The following ZBBX variants were observed in gnomAD, a reference collection of about 807,000 sequenced individuals.
ZBBX encodes the protein zinc finger B-box domain-containing protein 1.
ZBBX carries 101 observed loss-of-function variants against 108.5 expected under a neutral mutation model. That is an observed-to-expected ratio of 0.93 (90% CI 0.79 to 1.10). The LOEUF is 1.10. Among genes scored for constraint, ZBBX ranks in the 50% least tolerant of loss-of-function variants. ZBBX has a pLI of 0.00. For synonymous variants in ZBBX, 356 were observed against 323.4 expected (o/e 1.10, Z -1.08); for missense variants, 1,009 against 941.4 (o/e 1.07, Z -0.94).
chr3:167,350,705 A>T (rs1742497368), intron 8 of ZBBX, among the ~76,000 whole-genome samples, 190 bp from the exon 9 acceptor site: 6 of 151,640 alleles, frequency 4.0e-5, no homozygotes, highest in Admixed American at 3.9e-4. Flanking sequence ...CCCAGTTAAG[A>T]CTTAACTCTT....
At chr3:167,203,379 C>T in the ZBBX span, among the ~76,000 whole-genome samples, 8 of 152,044 alleles carry the variant, frequency 5.3e-5, no homozygotes, top group Non-Finnish European at 8.8e-5. Context: ...GCTTACATTT[C>T]AAGGTACTAG....
intron 2 of ZBBX, among the ~76,000 whole-genome samples, chr3:167,378,016 A>C (rs576809497): frequency 6.6e-6 from 1 of 152,266 alleles, no homozygotes; most frequent in East Asian, 1.9e-4. Context: ...CTTAGCTGTC[A>C]TCCTTCTCTT....
intron 4 of ZBBX, among the ~76,000 whole-genome samples, chr3:167,371,606 T>A (rs1746164971): frequency 6.6e-6 from 1 of 152,158 alleles, no homozygotes; most frequent in African/African-American, 2.4e-5. Context: ...ACTTAATTAA[T>A]GTTTGTTGGC....
At chr3:167,273,707 G>C (rs566751189) in intron 20 of ZBBX, among the ~76,000 whole-genome samples, 2 of 152,176 alleles carry the variant, frequency 1.3e-5, no homozygotes, top group African/African-American at 4.8e-5. Flanking sequence ...TTGTGCTCTT[G>C]TCCAATTGGC....
At chr3:167,322,386 A>C in intron 11 of ZBBX, 149 bp from the exon 12 acceptor site, 1 of 558,622 alleles carries the variant, frequency 1.8e-6, no homozygotes, top group Non-Finnish European at 2.7e-6. Context: ...TAAATAATGC[A>C]AAAGTATTAA....
At chr3:167,317,676 A>G (rs1735689681) in intron 12 of ZBBX, 79 bp from the exon 13 acceptor site, 1 of 842,882 alleles carries the variant, frequency 1.2e-6, no homozygotes. Context: ...TGATTTATTT[A>G]TCAAATGAAT....
At chr3:167,351,853 A>T (rs181152938) in intron 8 of ZBBX, among the ~76,000 whole-genome samples, 22 of 152,230 alleles carry the variant, frequency 1.4e-4, no homozygotes, top group African/African-American at 5.1e-4. Flanking sequence ...GACCTGGTGC[A>T]TTCAGATCAA....
chr3:167,293,235 G>A (rs541747019), intron 18 of ZBBX, among the ~76,000 whole-genome samples: 42 of 152,200 alleles, frequency 2.8e-4, no homozygotes, highest in Non-Finnish European at 4.7e-4. Flanking sequence ...AAACCTGGCA[G>A]AGACAAAACA....
rs184829470 is a variant in ZBBX, at chr3:167,288,207, T to C, written c.1996+660A>G. Among the ~76,000 whole-genome samples, 332 of 152,268 alleles carry C rather than the reference T, an allele frequency of 2.2e-3. 3 individuals carry two copies. Among genetic ancestry groups the C allele is most frequent in the African/African-American group, 7.8e-3 (325 of 41,558 alleles). On this transcript the variant is annotated intron_variant, in intron 19 of 21. Transcript: ENST00000675490. ...AGCAAACCCACTATAGCTGGTATAA[T>C]GGGATAACAGTAATGTCCTAATAAT...
At chr3:167,317,808 G>T (rs1041890247) in intron 12 of ZBBX, among the ~76,000 whole-genome samples, 2 of 151,954 alleles carry the variant, frequency 1.3e-5, no homozygotes, top group Admixed American at 1.3e-4. Flanking sequence ...CATCACAGAA[G>T]ATTTTTAAAT....
At chr3:167,298,713 T>G (rs1732091994) in intron 17 of ZBBX, among the ~76,000 whole-genome samples, 1 of 152,080 alleles carries the variant, frequency 6.6e-6, no homozygotes, top group African/African-American at 2.4e-5. Context: ...AATAAACTTT[T>G]TTTCTCTTTC....
intron 10 of ZBBX, among the ~76,000 whole-genome samples, chr3:167,328,770 C>A (rs970165718): frequency 6.6e-6 from 1 of 152,128 alleles, no homozygotes; most frequent in Non-Finnish European, 1.5e-5. Flanking sequence ...CTTTACATAG[C>A]CATTCCCTCA....
Position 167,314,007 on chromosome 3 carries a change from TTC to T in ZBBX, c.1382_1383del (p.Arg461LysfsTer7), listed in dbSNP as rs1418106397. 1 of 1,603,650 alleles carries T rather than the reference TTC, an allele frequency of 6.2e-7. No homozygotes were observed. Among genetic ancestry groups the T allele is most frequent in the Non-Finnish European group, 8.5e-7 (1 of 1,175,564 alleles). ...TTATCTTTATAATAAGTAGAGCTGT[TTC>T]TCAGACAAAGATTTAAGAAGTCTCT... ...GKRDFLNLCL[R>X]NSSTYYKDNS... On this transcript the variant is annotated frameshift_variant, in exon 16 of 22. Transcript: ENST00000675490. LOFTEE classifies it high-confidence loss of function.
At chr3:167,338,469 C>T (rs1056396025) in intron 9 of ZBBX, among the ~76,000 whole-genome samples, 2 of 151,810 alleles carry the variant, frequency 1.3e-5, no homozygotes. Flanking sequence ...AAAACTCTGG[C>T]TATCCAGCAA....
chr3:167,192,834 C>T, the ZBBX span, among the ~76,000 whole-genome samples: 1 of 152,156 alleles, frequency 6.6e-6, no homozygotes, highest in Non-Finnish European at 1.5e-5. Flanking sequence ...TTATTTTAAT[C>T]TCTTCATTAC....
At chr3:167,270,146 T>C (rs186103334) in intron 20 of ZBBX, among the ~76,000 whole-genome samples, 13 of 152,296 alleles carry the variant, frequency 8.5e-5, no homozygotes, top group Non-Finnish European at 1.3e-4. Flanking sequence ...ATCATCTACA[T>C]TCTGAGGGGC....
At chr3:167,377,770 A>G (rs552304246) in intron 2 of ZBBX, among the ~76,000 whole-genome samples, 1 of 152,276 alleles carries the variant, frequency 6.6e-6, no homozygotes, top group South Asian at 2.1e-4. Context: ...GTCCTACTAA[A>G]TAAATGTGTG....
intron 9 of ZBBX, among the ~76,000 whole-genome samples, chr3:167,346,384 C>T (rs1032128388): frequency 1.8e-4 from 27 of 151,716 alleles, no homozygotes; most frequent in Non-Finnish European, 3.7e-4. Context: ...TAAATATTTG[C>T]CTTCAATTTT....
Position 167,359,912 on chromosome 3 carries a change from A to C in ZBBX, c.390T>G (p.Asn130Lys). Reference protein sequence around the residue: ...NSSECEKPKINGKVCGQCENK... With the variant: ...NSSECEKPKIKGKVCGQCENK... ...TCTCACACTGTCCACATACTTTCCC[A>C]TTTATCTTGGGTTTTTCACATTCTG... Residue 130 changes from asparagine to lysine, a missense_variant, in exon 8 of 22, where the codon AAT becomes AAG. Asn to Lys is a moderately conservative substitution (Grantham distance 94). Transcript: ENST00000675490. The C allele has an allele frequency of 1.3e-6, 2 of 1,574,740 alleles. No homozygotes were observed. The highest frequency in any genetic ancestry group is 1.7e-6 in the Non-Finnish European group (2 of 1,157,982).
Sources: gnomAD v4.1 joint callset for allele counts (sites outside exome capture counted in the v4.1 genomes callset) on GRCh38, gnomAD v4.1.1 for gene constraint, MANE v1.5 for transcripts, NCBI Gene and HGNC (gene_info 2026-07-23, HGNC 2026-07-21) for gene names.